HHLA1: variants seen among roughly 807,000 people sequenced by gnomAD.
HHLA1 encodes the protein HHLA1 neighbor of OC90, also known as HERV-H LTR-associating protein 1.
In HHLA1, 72 loss-of-function variants were observed where a neutral mutation model predicts 69.9. The ratio of observed to expected loss-of-function variants is 1.03; its 90% CI spans 0.85 to 1.25. The LOEUF (loss-of-function observed/expected upper bound fraction) is 1.25, where lower values mean the gene tolerates loss of function less well. HHLA1 is among the 50% of genes most tolerant of loss of function. The pLI, the probability that HHLA1 is intolerant of heterozygous loss-of-function variation, is 0.00. For missense variants in HHLA1, 685 were observed against 642.2 expected, an observed-to-expected ratio of 1.07 and a Z score of -0.72; for synonymous variants, 252 against 233.2, an observed-to-expected ratio of 1.08 and a Z score of -0.73.
At chr8:132,088,217 T>C (rs1357574824) in intron 8 of HHLA1, among the ~76,000 whole-genome samples, 63 of 152,174 alleles carry the variant, frequency 4.1e-4, no homozygotes, top group Non-Finnish European at 1.3e-4. Context: ...CTTTATAAAA[T>C]GGTGAAAATT....
intron 3 of HHLA1, among the ~76,000 whole-genome samples, chr8:132,102,728 G>A (rs1824130228): frequency 1.3e-5 from 2 of 151,986 alleles, no homozygotes; most frequent in African/African-American, 4.8e-5. Flanking sequence ...TACCAGGCTG[G>A]CAGGATTCCT....
At chr8:132,104,273 G>T in intron 2 of HHLA1, 106 bp from the exon 3 acceptor site, 2 of 746,658 alleles carry the variant, frequency 2.7e-6, no homozygotes, top group Non-Finnish European at 4.4e-6. Flanking sequence ...ATGATCTGGG[G>T]TTGTGAAGTG....
intron 3 of HHLA1, among the ~76,000 whole-genome samples, chr8:132,101,520 A>G (rs1824110721): frequency 6.6e-6 from 1 of 152,086 alleles, no homozygotes; most frequent in Non-Finnish European, 1.5e-5. Flanking sequence ...TTTACTTTTT[A>G]ATTTATTAAA....
At chr8:132,094,134 A>G (rs895587444) in intron 7 of HHLA1, among the ~76,000 whole-genome samples, 1 of 152,232 alleles carries the variant, frequency 6.6e-6, no homozygotes, top group Non-Finnish European at 1.5e-5. Context: ...GAATGCTTGC[A>G]TTCACTGGTT....
At chr8:132,089,426 G>T (rs1823909792) in intron 8 of HHLA1, 90 bp downstream of exon 8, 1 of 743,442 alleles carries the variant, frequency 1.3e-6, no homozygotes, top group Non-Finnish European at 2.4e-6. Flanking sequence ...CTATAGCAGG[G>T]GTTGGGGTGA....
intron 3 of HHLA1, among the ~76,000 whole-genome samples, chr8:132,103,545 G>C (rs1337032975): frequency 1.3e-5 from 2 of 152,110 alleles, no homozygotes; most frequent in African/African-American, 4.8e-5. Context: ...TTGAGCCTTT[G>C]GGGTGGAGGT....
intron 2 of HHLA1, among the ~76,000 whole-genome samples, chr8:132,104,580 A>G (rs1824172949): frequency 6.6e-6 from 1 of 152,054 alleles, no homozygotes; most frequent in South Asian, 2.1e-4. Context: ...TAATTGGGGG[A>G]ATATTTGATG....
chr8:132,083,384 G>A (rs1268191700), intron 10 of HHLA1, among the ~76,000 whole-genome samples: 1 of 152,022 alleles, frequency 6.6e-6, no homozygotes, highest in African/African-American at 2.4e-5. Context: ...TGTGGAGTGG[G>A]TAGCCTCCGT....
intron 15 of HHLA1, among the ~76,000 whole-genome samples, chr8:132,069,036 G>A (rs1292077742): frequency 2.6e-5 from 4 of 152,196 alleles, no homozygotes; most frequent in African/African-American, 2.4e-5. Flanking sequence ...GAGCTCTAGA[G>A]TGAAAGTCAA....
chr8:132,110,140 G>A (rs972551338), intron 1 of HHLA1, among the ~76,000 whole-genome samples: 1 of 152,216 alleles, frequency 6.6e-6, no homozygotes, highest in African/African-American at 2.4e-5. Flanking sequence ...CAGCCAAAAG[G>A]TGCTGGATCA....
intron 3 of HHLA1, chr8:132,101,066 T>C (rs1383145871): frequency 1.7e-6 from 2 of 1,190,764 alleles, no homozygotes; most frequent in Non-Finnish European, 2.2e-6. Context: ...AAAAAGCTAG[T>C]ATCACATGTA....
At chr8:132,094,824 G>C (rs951912381) in intron 7 of HHLA1, among the ~76,000 whole-genome samples, 1 of 152,220 alleles carries the variant, frequency 6.6e-6, no homozygotes, top group East Asian at 1.9e-4. Flanking sequence ...CCCACACCTA[G>C]AAGAGTGCAT....
rs1001293729 is a variant in HHLA1 at position 132,062,953 on chromosome 8, G to T, written c.*1042C>A. The T allele has an allele frequency of 3.9e-5, 6 of 152,172 alleles. No individual in the cohort carries two copies. The highest frequency in any genetic ancestry group is 7.3e-5 in the Non-Finnish European group (5 of 68,062). 9.4% of individuals were successfully genotyped at this position (152,172 alleles called of 1,614,324 possible). On this transcript the variant is annotated 3_prime_UTR_variant, in exon 17 of 17. Coordinates refer to ENST00000414222, the MANE Select transcript of HHLA1 (RefSeq NM_001145095.3). ...CAATGTGATTTATGGTGGGGCCTTA[G>T]GTCGTGCAGTATCAGCTTGACCTCT...
chr8:132,068,555 C>T (rs979611804), intron 15 of HHLA1, among the ~76,000 whole-genome samples: 2 of 152,200 alleles, frequency 1.3e-5, no homozygotes, highest in African/African-American at 4.8e-5. Flanking sequence ...TTAAGGTGGC[C>T]TATTTTGTTT....
At chr8:132,074,646 A>G (rs141973449) in intron 14 of HHLA1, among the ~76,000 whole-genome samples, 1 of 152,222 alleles carries the variant, frequency 6.6e-6, no homozygotes, top group African/African-American at 2.4e-5. Flanking sequence ...GAAATGCCAG[A>G]ACCCCTTTAA....
At chr8:132,099,926 C>T in intron 4 of HHLA1, 149 bp downstream of exon 4, 2 of 626,534 alleles carry the variant, frequency 3.2e-6, no homozygotes, top group East Asian at 5.7e-5. Flanking sequence ...TTTATTCAAA[C>T]ATTGTCTTCT....
At chr8:132,099,198 A>G (rs911486745) in intron 4 of HHLA1, among the ~76,000 whole-genome samples, 1 of 152,230 alleles carries the variant, frequency 6.6e-6, no homozygotes, top group African/African-American at 2.4e-5. Flanking sequence ...CACAGGAAAC[A>G]TGAACTTTTA....
chr8:132,099,190 C>A (rs1824075605), intron 4 of HHLA1, among the ~76,000 whole-genome samples: 1 of 152,140 alleles, frequency 6.6e-6, no homozygotes, highest in Non-Finnish European at 1.5e-5. Flanking sequence ...CAATGAAGCA[C>A]AGGAAACATG....
chr8:132,070,469 ATCCTC>A, intron 15 of HHLA1: 1 of 678,792 alleles, frequency 1.5e-6, no homozygotes, highest in Non-Finnish European at 2.7e-6. Flanking sequence ...ACCACTCAAG[ATCCTC>A]TGCCATGATC....
Sources: allele counts gnomAD v4.1 joint callset (sites outside exome capture counted in the v4.1 genomes callset), GRCh38; gene constraint gnomAD v4.1.1; transcripts MANE v1.5; gene names NCBI Gene and HGNC (gene_info 2026-07-23, HGNC 2026-07-21).